The following RAB38 variants were observed in gnomAD, a reference collection of about 807,000 sequenced individuals.
The protein encoded by RAB38 is ras-related protein Rab-38.
RAB38 carries 15 observed loss-of-function variants against 18.4 expected under a neutral mutation model. The observed-to-expected ratio is 0.82, with a 90% CI of 0.55 to 1.26. The LOEUF (loss-of-function observed/expected upper bound fraction) is 1.26. Among genes scored for constraint, RAB38 ranks in the 50% most tolerant of loss-of-function variants. The pLI is 0.00. For missense variants in RAB38, 294 were observed against 267.4 expected (o/e 1.10, Z -0.69); for synonymous variants, 101 against 104.4 (o/e 0.97, Z 0.20).
the RAB38 span, among the ~76,000 whole-genome samples, chr11:88,039,991 T>C: frequency 2.6e-5 from 4 of 152,326 alleles, no homozygotes; most frequent in African/African-American, 7.2e-5. Flanking sequence ...CATTTGCTCA[T>C]GGCCAGATCT....
the RAB38 span, among the ~76,000 whole-genome samples, chr11:88,026,560 C>CACAA: frequency 1.7e-5 from 1 of 58,168 alleles, no homozygotes; most frequent in Non-Finnish European, 2.9e-5. Context: ...GAGACTCTGT[C>CACAA]ACAAAAAAAA....
chr11:88,081,625 G>C, the RAB38 span, among the ~76,000 whole-genome samples: 2 of 151,796 alleles, frequency 1.3e-5, no homozygotes, highest in African/African-American at 4.8e-5. Flanking sequence ...TCTCCCCTCT[G>C]TGTCGCTGTG....
At chr11:88,041,971 G>A in the RAB38 span, among the ~76,000 whole-genome samples, 1 of 152,046 alleles carries the variant, frequency 6.6e-6, no homozygotes, top group Non-Finnish European at 1.5e-5. Context: ...TTATTAAAAT[G>A]GAGAACTAGA....
chr11:88,175,154 T>TC (rs750547310), intron 1 of RAB38, 29 bp downstream of exon 1: 2 of 1,550,110 alleles, frequency 1.3e-6, no homozygotes, highest in Non-Finnish European at 1.7e-6. Flanking sequence ...AGGCGCTCTA[T>TC]CCCCCTGACC....
the RAB38 span, among the ~76,000 whole-genome samples, chr11:87,917,288 T>C: frequency 5.3e-5 from 8 of 151,900 alleles, no homozygotes; most frequent in South Asian, 4.2e-4. Context: ...CGTAGAGAGA[T>C]GGTCATCAGG....
At chr11:87,846,151 G>C in the RAB38 span, among the ~76,000 whole-genome samples, 1 of 151,904 alleles carries the variant, frequency 6.6e-6, no homozygotes. Flanking sequence ...AATACTAAAA[G>C]TATTCAAAGG....
At chr11:87,917,336 C>T in the RAB38 span, among the ~76,000 whole-genome samples, 1 of 151,956 alleles carries the variant, frequency 6.6e-6, no homozygotes, top group African/African-American at 2.4e-5. Flanking sequence ...TTCTAGCACA[C>T]TGAAAAACTG....
chr11:87,862,118 AC>A, the RAB38 span, among the ~76,000 whole-genome samples: 4 of 151,882 alleles, frequency 2.6e-5, no homozygotes, highest in African/African-American at 9.7e-5. Context: ...TTCCTCAAAG[AC>A]CTAAAGACAA....
At chr11:87,952,153 G>A in the RAB38 span, among the ~76,000 whole-genome samples, 30,592 of 151,974 alleles carry the variant, frequency 0.2, 3,658 homozygotes, top group South Asian at 0.33. Context: ...GGGATCCATC[G>A]GGAGGGTGGC....
chr11:88,094,104 T>C, the RAB38 span, among the ~76,000 whole-genome samples: 31 of 151,928 alleles, frequency 2.0e-4, no homozygotes, highest in African/African-American at 6.7e-4. Flanking sequence ...CCCCAAAGCA[T>C]TGGAAGACTC....
At chr11:87,952,378 A>G in the RAB38 span, among the ~76,000 whole-genome samples, 1 of 152,182 alleles carries the variant, frequency 6.6e-6, no homozygotes, top group South Asian at 2.1e-4. Context: ...TTCAAGTGAA[A>G]AATACCTTTT....
chr11:88,144,648 T>G (rs896683176), intron 2 of RAB38, among the ~76,000 whole-genome samples: 2 of 152,094 alleles, frequency 1.3e-5, no homozygotes, highest in African/African-American at 4.8e-5. Context: ...AAAAATTGAG[T>G]ATAATTTAAC....
chr11:87,812,522 G>A, the RAB38 span, among the ~76,000 whole-genome samples: 2 of 152,190 alleles, frequency 1.3e-5, no homozygotes, highest in Non-Finnish European at 2.9e-5. Context: ...TATTCAATCT[G>A]AATATTATGA....
chr11:88,080,850 G>A, the RAB38 span, among the ~76,000 whole-genome samples: 1 of 116,246 alleles, frequency 8.6e-6, no homozygotes, highest in Non-Finnish European at 1.8e-5. Context: ...AAGGAAGGAA[G>A]GAAGGAGGGA....
chr11:88,068,226 AAAT>A, the RAB38 span, among the ~76,000 whole-genome samples: 8 of 152,058 alleles, frequency 5.3e-5, no homozygotes, highest in African/African-American at 1.9e-4. Context: ...TACACATTTT[AAAT>A]AATGTGTGGA....
At chr11:88,095,047 A>G in the RAB38 span, among the ~76,000 whole-genome samples, 3 of 151,824 alleles carry the variant, frequency 2.0e-5, no homozygotes, top group Admixed American at 2.0e-4. Flanking sequence ...TCTCACTCAA[A>G]GACATCACTC....
the RAB38 span, among the ~76,000 whole-genome samples, chr11:87,920,855 C>T: frequency 1.3e-5 from 2 of 152,082 alleles, no homozygotes; most frequent in South Asian, 4.1e-4. Context: ...TGTTGCATTT[C>T]CTTGATGAAT....
At chr11:87,845,972 G>A in the RAB38 span, among the ~76,000 whole-genome samples, 6 of 152,022 alleles carry the variant, frequency 3.9e-5, no homozygotes, top group Non-Finnish European at 4.4e-5. Flanking sequence ...ATTTTGACAT[G>A]ATATAAAACT....
chr11:87,894,440 AT>A, the RAB38 span, among the ~76,000 whole-genome samples: 1 of 151,690 alleles, frequency 6.6e-6, no homozygotes, highest in East Asian at 2.0e-4. Context: ...CATGCCACAG[AT>A]TCCCTGGGAG....
Sources: gnomAD v4.1 joint callset for allele counts (sites outside exome capture counted in the v4.1 genomes callset) on GRCh38, gnomAD v4.1.1 for gene constraint, MANE v1.5 for transcripts, NCBI Gene and HGNC (gene_info 2026-07-23, HGNC 2026-07-21) for gene names.